The following SCAMP5 variants were observed in gnomAD, a reference collection of about 807,000 sequenced individuals.
The protein encoded by SCAMP5 is secretory carrier membrane protein 5.
Under a neutral mutation model 28.3 loss-of-function variants are expected in SCAMP5, and 7 were observed. The ratio of observed to expected loss-of-function variants is 0.25; its 90% CI spans 0.14 to 0.46. SCAMP5 has a LOEUF of 0.46. Ranked by LOEUF, SCAMP5 falls within the 20% of genes least tolerant of loss-of-function variation. The probability of loss-of-function intolerance (pLI) is 0.99; values close to 1 mark genes in which losing one functional copy is unlikely to be tolerated. For missense variants in SCAMP5, 192 were observed against 312.5 expected (o/e 0.61, Z 2.91); for synonymous variants, 117 against 116.4 (o/e 1.00, Z -0.03).
Position 75,016,688 on chromosome 15 carries a change from C to G in SCAMP5, c.232C>G (p.Leu78Val). ...CAACTTTGGCCTCGCCTTTCTCTGG[C>G]TCATCCTCTTCACACCCTGCTCCTA... is the stretch of plus-strand genomic sequence containing the variant. Reference protein sequence around the residue: ...ATNFGLAFLWLILFTPCSYVC... With the variant: ...ATNFGLAFLWVILFTPCSYVC... The change falls in exon 4 of 7, where the codon CTC becomes GTC. Residue 78 changes from leucine (L) to valine (V), a missense_variant. By Grantham distance (32) the Leu-to-Val change is conservative (BLOSUM62 1). Coordinates refer to ENST00000425597, the MANE Select transcript of SCAMP5 (RefSeq NM_138967.4). 1 of 1,613,926 alleles carries G rather than the reference C, an allele frequency of 6.2e-7. No individual in the cohort carries two copies. The highest frequency in any genetic ancestry group is 8.5e-7 in the Non-Finnish European group (1 of 1,179,896).
intron 1 of SCAMP5, among the ~76,000 whole-genome samples, chr15:75,002,100 T>C (rs745846297): frequency 1.9e-4 from 29 of 151,950 alleles, no homozygotes; most frequent in Non-Finnish European, 3.4e-4. Flanking sequence ...AGTGAGACCC[T>C]GTCTCAAATA....
At chr15:75,012,035 C>T (rs1345091436) in intron 2 of SCAMP5, among the ~76,000 whole-genome samples, 189 bp downstream of exon 2, 3 of 152,244 alleles carry the variant, frequency 2.0e-5, no homozygotes, top group African/African-American at 7.2e-5. Context: ...GTCTAGCCCT[C>T]TGTCAGATCT....
rs116939612 is a variant in SCAMP5, at chr15:75,002,565, G to A, written c.-49+6892G>A. ...TCACAGCTGACTCGATGCTGTTAGT[G>A]TCATGAACGCGTTAGTCCCGGTAGT... On this transcript the variant is annotated intron_variant, in intron 1 of 6. Coordinates refer to ENST00000425597, the MANE Select transcript of SCAMP5 (RefSeq NM_138967.4). 1.2e-4 allele frequency among the ~76,000 whole-genome samples: 18 copies of A among 152,042 alleles called. No homozygotes were observed. The East Asian group carries it at 3.1e-3, about 26-fold the overall frequency.
chr15:75,001,171 G>T (rs572321097), intron 1 of SCAMP5, among the ~76,000 whole-genome samples: 18 of 151,498 alleles, frequency 1.2e-4, no homozygotes, highest in African/African-American at 4.4e-4. Flanking sequence ...CTACTCGGGA[G>T]GCTGAGGCGG....
intron 1 of SCAMP5, among the ~76,000 whole-genome samples, chr15:75,010,781 GAA>G (rs60018418): frequency 3.4e-5 from 5 of 145,182 alleles, no homozygotes; most frequent in Non-Finnish European, 7.6e-5. Flanking sequence ...CCCTGTCTAA[GAA>G]AAAAAAAAAT....
chr15:75,003,398 A>G (rs1267281435), intron 1 of SCAMP5, among the ~76,000 whole-genome samples: 1 of 152,000 alleles, frequency 6.6e-6, no homozygotes, highest in East Asian at 1.9e-4. Context: ...CAATTACCAT[A>G]TTTTTTTCTT....
At chr15:75,011,292 CG>C (rs2065809234) in intron 1 of SCAMP5, among the ~76,000 whole-genome samples, 1 of 152,290 alleles carries the variant, frequency 6.6e-6, no homozygotes, top group East Asian at 1.9e-4. Flanking sequence ...TATGTTTTCA[CG>C]GTGGCTGTGC....
chr15:75,012,909 A>T (rs900469097), intron 3 of SCAMP5, 104 bp downstream of exon 3: 7 of 1,147,384 alleles, frequency 6.1e-6, no homozygotes, highest in Admixed American at 5.6e-5. Flanking sequence ...ACTGTCCTTC[A>T]GTCCCACTTG....
chr15:75,008,141 T>A (rs1255588776), intron 1 of SCAMP5, among the ~76,000 whole-genome samples: 1 of 152,138 alleles, frequency 6.6e-6, no homozygotes, highest in Non-Finnish European at 1.5e-5. Context: ...ATAGTTAGCT[T>A]GATTTGTTTT....
chr15:75,003,080 G>A (rs1345626718), intron 1 of SCAMP5, among the ~76,000 whole-genome samples: 3 of 152,064 alleles, frequency 2.0e-5, no homozygotes, highest in Non-Finnish European at 2.9e-5. Flanking sequence ...ACAGGCGCAC[G>A]CCGTCACACC....
intron 1 of SCAMP5, among the ~76,000 whole-genome samples, chr15:74,997,874 G>A (rs961030763): frequency 6.6e-6 from 1 of 152,220 alleles, no homozygotes; most frequent in Non-Finnish European, 1.5e-5. Flanking sequence ...GGATTTCAGG[G>A]CAGAAGATGG....
chr15:75,012,828 G>A (rs2065824579), intron 3 of SCAMP5, 23 bp downstream of exon 3: 1 of 1,613,626 alleles, frequency 6.2e-7, no homozygotes, highest in Middle Eastern at 1.7e-4. Flanking sequence ...GGATGGGGGT[G>A]GGCCAGGGTG....
At chr15:75,012,536 G>T in intron 2 of SCAMP5, 141 bp from the exon 3 acceptor site, 1 of 899,180 alleles carries the variant, frequency 1.1e-6, no homozygotes, top group Non-Finnish European at 1.8e-6. Flanking sequence ...ACCCGGGGAG[G>T]TAGGGACGGC....
At position 74,996,638 on chromosome 15, in the gene SCAMP5, G is replaced by A. The variant is rs1328657925; in HGVS notation, c.-49+965G>A. On this transcript the variant is annotated intron_variant, in intron 1 of 6. Transcript: ENST00000425597. This position sits in a 1 kb window ranked among gnomAD's most constrained non-coding sequence, Gnocchi z 4.1. ...GGGATGAAAACGAGCACAGCTGTTGGGGGCTGAGCCTGGGAGCTCAGCCAT... is the reference window on the plus strand; with the variant it reads ...GGGATGAAAACGAGCACAGCTGTTGAGGGCTGAGCCTGGGAGCTCAGCCAT... 6.6e-6 allele frequency among the ~76,000 whole-genome samples: 1 copy of A among 152,216 alleles called. No homozygotes were observed. Among genetic ancestry groups the A allele is most frequent in the African/African-American group, 2.4e-5 (1 of 41,446 alleles).
At chr15:74,995,993 C>T (rs1004320216) in intron 1 of SCAMP5, 6 of 152,822 alleles carry the variant, frequency 3.9e-5, no homozygotes, top group African/African-American at 1.4e-4. Context: ...CCTCCATCCC[C>T]CCCGCCAGCC....
rs1354635816 is a variant in SCAMP5, at chr15:75,018,794, T to C, written c.519T>C (p.His173=). 3 of 1,606,684 alleles carry C rather than the reference T, an allele frequency of 1.9e-6. No homozygotes were observed. Among genetic ancestry groups the C allele is most frequent in the African/African-American group, 1.3e-5 (1 of 74,476 alleles). ...VFSFIALSMV[H]KFYRGSGGSF... is the part of the protein sequence containing the mutation. The stretch of plus-strand genomic sequence containing the variant: ...TTACGCTCTTTTTCCTACAGGTTCA[T>C]AAATTTTACCGGGGAAGTGGGGGGA... Residue 173 remains histidine (H), a synonymous_variant, in exon 7 of 7, where the codon CAT becomes CAC. Transcript: ENST00000425597. The surrounding 1 kb of genome is among the most constrained non-coding windows in gnomAD (Gnocchi z 5.6).
chr15:75,005,175 C>CA (rs34793996), intron 1 of SCAMP5, among the ~76,000 whole-genome samples: 45,556 of 141,764 alleles, frequency 0.32, 8,731 homozygotes, highest in Non-Finnish European at 0.45. Context: ...GCTCTTGTCT[C>CA]AAAAAAAAAA....
In SCAMP5 at chr15:75,017,856, C is replaced by T. The variant is rs776453625; in HGVS notation, c.294-14C>T. 9 of 1,595,156 alleles carry T rather than the reference C, an allele frequency of 5.6e-6. No homozygotes were observed. The highest frequency in any genetic ancestry group is 1.7e-4 in the Middle Eastern group (1 of 6,054). ...CCTCTGCCCAGGTGACGGGAGCCAC[C>T]TCCTCTGCCGCAGGACTGACAGCTC... is the stretch of plus-strand genomic sequence containing the variant. On this transcript the variant is annotated splice_polypyrimidine_tract_variant and intron_variant, in intron 4 of 6. Coordinates refer to ENST00000425597, the MANE Select transcript of SCAMP5 (RefSeq NM_138967.4).
rs369634869 is a variant in SCAMP5, at chr15:75,018,772, C to T, written c.514-17C>T. 1.0e-4 allele frequency: 159 copies of T among 1,593,320 alleles called. No individual in the cohort carries two copies. In the South Asian group the frequency reaches 1.3e-3, roughly 13 times the overall value. ...TTTCTCTTTGATTAACCCTTCTTTACGCTCTTTTTCCTACAGGTTCATAAA... is the reference window on the plus strand; with the variant it reads ...TTTCTCTTTGATTAACCCTTCTTTATGCTCTTTTTCCTACAGGTTCATAAA... On this transcript the variant is annotated splice_polypyrimidine_tract_variant and intron_variant, in intron 6 of 6. Transcript: ENST00000425597. This position sits in a 1 kb window ranked among gnomAD's most constrained non-coding sequence, Gnocchi z 5.6.
Sources: allele counts gnomAD v4.1 joint callset (sites outside exome capture counted in the v4.1 genomes callset), GRCh38; gene constraint gnomAD v4.1.1; non-coding constraint Gnocchi (gnomAD v3.1); transcripts MANE v1.5; gene names NCBI Gene and HGNC (gene_info 2026-07-23, HGNC 2026-07-21).